The following RELN variants were observed in gnomAD, a reference collection of about 807,000 sequenced individuals.
The protein encoded by RELN is reelin.
Under a neutral mutation model 427.6 loss-of-function variants are expected in RELN, and 108 were observed. The ratio of observed to expected loss-of-function variants is 0.25; its 90% confidence interval spans 0.22 to 0.30. RELN has a LOEUF of 0.30. RELN is among the 10% of genes least tolerant of loss of function. The pLI is 1.00. For missense variants in RELN, 3,715 were observed against 4,302.8 expected (o/e 0.86, Z 3.82); for synonymous variants, 1,524 against 1,513.4 (o/e 1.01, Z -0.16).
chr7:103,915,031 G>A (rs565423647), intron 2 of RELN, among the ~76,000 whole-genome samples: 48 of 152,148 alleles, frequency 3.2e-4, no homozygotes, highest in African/African-American at 1.2e-3. Context: ...ACAATATCCT[G>A]AATGGTCTGG....
intron 1 of RELN, among the ~76,000 whole-genome samples, chr7:103,987,818 A>C (rs1402044402): frequency 6.6e-6 from 1 of 152,256 alleles, no homozygotes; most frequent in Non-Finnish European, 1.5e-5. Context: ...ATTATTTCTA[A>C]AATTCCACCA....
intron 45 of RELN, among the ~76,000 whole-genome samples, chr7:103,538,123 A>T (rs555661797): frequency 2.4e-4 from 36 of 152,274 alleles, no homozygotes; most frequent in African/African-American, 6.7e-4. Context: ...ATCTTGACTG[A>T]CTGTGTCTGA....
At chr7:103,833,404 A>G in intron 3 of RELN, 133 bp downstream of exon 3, 2 of 941,414 alleles carry the variant, frequency 2.1e-6, no homozygotes, top group Non-Finnish European at 3.4e-6. Context: ...CTTTTTTGGC[A>G]ACAAAATTAG....
Position 103,482,772 on chromosome 7 carries a change from C to T in RELN, c.10280+101G>A, listed in dbSNP as rs2286262. On this transcript the variant is annotated intron_variant, in intron 63 of 64. Coordinates refer to ENST00000428762, the MANE Select transcript of RELN (RefSeq NM_005045.4). ...AGCCAAAGTGCTCCTGTGGGGGCTTCTCATCAAAAACGGATCTTACTGAAT... is the reference window on the plus strand; with the variant it reads ...AGCCAAAGTGCTCCTGTGGGGGCTTTTCATCAAAAACGGATCTTACTGAAT... The T allele has an allele frequency of 4.3e-4, 674 of 1,585,870 alleles. 6 individuals are homozygous for T. In the East Asian group the frequency reaches 0.012, roughly 27 times the overall value.
At position 103,753,136 on chromosome 7, in the gene RELN, T is replaced by C; in HGVS notation, c.577+46A>G. 3 of 1,596,954 alleles carry C rather than the reference T, an allele frequency of 1.9e-6. No homozygotes were observed. In the Middle Eastern group the frequency reaches 5.0e-4, roughly 265 times the overall value. Reference sequence around the variant, plus strand: ...CGTATAGCCAGAAAAGCCAAACAAGTAGATCAAGTACTAAAGTTAATGACA... The same window carrying C: ...CGTATAGCCAGAAAAGCCAAACAAGCAGATCAAGTACTAAAGTTAATGACA... On this transcript the variant is annotated intron_variant, in intron 5 of 64. Transcript: ENST00000428762.
chr7:103,764,373 C>A (rs1230943075), intron 4 of RELN, among the ~76,000 whole-genome samples: 1 of 152,156 alleles, frequency 6.6e-6, no homozygotes, highest in Non-Finnish European at 1.5e-5. Flanking sequence ...TCAAAGATTT[C>A]ATGGCTAGAA....
chr7:103,758,145 T>C (rs1289647018), intron 4 of RELN, among the ~76,000 whole-genome samples: 1 of 152,212 alleles, frequency 6.6e-6, no homozygotes. Context: ...AGAATAACCA[T>C]ACATCTCTGT....
chr7:103,536,495 GCATGGC>G (rs1019521494), intron 45 of RELN, among the ~76,000 whole-genome samples: 42 of 152,084 alleles, frequency 2.8e-4, no homozygotes, highest in Non-Finnish European at 5.7e-4. Flanking sequence ...CTCTTTTGGG[GCATGGC>G]CAAGGCGTCA....
intron 17 of RELN, among the ~76,000 whole-genome samples, chr7:103,638,759 G>A (rs978537600): frequency 4.6e-5 from 7 of 152,064 alleles, no homozygotes; most frequent in East Asian, 1.9e-4. Flanking sequence ...ATGACTATTC[G>A]GAATAATGGA....
At chr7:103,518,803 A>G (rs116301147) in intron 49 of RELN, among the ~76,000 whole-genome samples, 5,209 of 151,842 alleles carry the variant, frequency 0.034, 140 homozygotes, top group South Asian at 0.15. Context: ...GACATTTCTA[A>G]TTGGTCATAA....
At chr7:103,577,180 A>G (rs1831023245) in intron 28 of RELN, among the ~76,000 whole-genome samples, 1 of 152,252 alleles carries the variant, frequency 6.6e-6, no homozygotes, top group South Asian at 2.1e-4. Flanking sequence ...ACAACTGTAG[A>G]TAAAGACAGC....
chr7:103,897,417 A>G (rs547532758), intron 2 of RELN, among the ~76,000 whole-genome samples: 118 of 152,062 alleles, frequency 7.8e-4, no homozygotes, highest in African/African-American at 2.8e-3. Context: ...TGCTTCTACC[A>G]GTGTGCTTAC....
At chr7:103,596,909 T>C (rs543606082) in intron 24 of RELN, among the ~76,000 whole-genome samples, 10 of 152,328 alleles carry the variant, frequency 6.6e-5, no homozygotes, top group African/African-American at 2.4e-4. Flanking sequence ...CCCTTGGGAA[T>C]TGCTAATTAC....
At chr7:103,491,823 G>GTCTCTCTCTC (rs60846683) in intron 58 of RELN, 130 bp downstream of exon 58, 15 of 429,094 alleles carry the variant, frequency 3.5e-5, no homozygotes, top group East Asian at 1.9e-4. Context: ...GAGCGAAACT[G>GTCTCTCTCTC]TCTCTCTCTC....
intron 2 of RELN, among the ~76,000 whole-genome samples, chr7:103,845,147 T>A (rs78587697): frequency 4.9e-5 from 3 of 61,168 alleles, no homozygotes; most frequent in South Asian, 3.2e-4. Flanking sequence ...CAAAAAAAAA[T>A]TTTTTTTTTT....
intron 1 of RELN, among the ~76,000 whole-genome samples, chr7:103,961,217 T>TA (rs1226311061): frequency 6.6e-6 from 1 of 152,198 alleles, no homozygotes; most frequent in Non-Finnish European, 1.5e-5. Flanking sequence ...TTCTAGGTCC[T>TA]AATGAAAAAC....
intron 2 of RELN, among the ~76,000 whole-genome samples, chr7:103,851,207 T>C (rs759886464): frequency 6.6e-6 from 1 of 152,190 alleles, no homozygotes; most frequent in Non-Finnish European, 1.5e-5. Flanking sequence ...GGTTGGAAAC[T>C]ATTATTCTAA....
intron 1 of RELN, among the ~76,000 whole-genome samples, chr7:103,936,710 ACG>A (rs545964051): frequency 3.0e-5 from 3 of 101,106 alleles, no homozygotes. Context: ...GGAAATTCCT[ACG>A]CACACACACA....
intron 6 of RELN, among the ~76,000 whole-genome samples, chr7:103,745,568 T>A (rs1454260471): frequency 6.6e-6 from 1 of 151,076 alleles, no homozygotes; most frequent in African/African-American, 2.5e-5. Context: ...TTCAGCAAAG[T>A]CTCAGGATAC....
Sources: allele counts gnomAD v4.1 joint callset (sites outside exome capture counted in the v4.1 genomes callset), GRCh38; gene constraint gnomAD v4.1.1; transcripts MANE v1.5; gene names NCBI Gene and HGNC (gene_info 2026-07-23, HGNC 2026-07-21).